TTLL6: variants seen among roughly 807,000 people sequenced by gnomAD.
TTLL6 encodes tubulin polyglutamylase TTLL6.
In TTLL6, 75 loss-of-function variants were observed where a neutral mutation model predicts 96.4. The observed-to-expected ratio is 0.78, with a 90% confidence interval of 0.65 to 0.94. The LOEUF is 0.94. TTLL6 is among the 40% of genes least tolerant of loss of function. The probability of loss-of-function intolerance (pLI) is 0.00; values close to 1 mark genes in which losing one functional copy is unlikely to be tolerated. For synonymous variants in TTLL6, 411 were observed against 419.4 expected (o/e 0.98, Z 0.24); for missense variants, 1,030 against 1,093.0 (o/e 0.94, Z 0.81).
At position 48,810,838 on chromosome 17, in the gene TTLL6, T is replaced by C. The variant is rs1461033287; in HGVS notation, c.104-5847A>G. Among the ~76,000 whole-genome samples, 1,408 of 112,506 alleles carry C rather than the reference T, an allele frequency of 0.013. 41 individuals carry two copies. The East Asian group carries it at 0.13, about 10-fold the overall frequency. 73.8% of individuals were successfully genotyped at this position (112,506 alleles called of 152,430 possible). On this transcript the variant is annotated intron_variant, in intron 1 of 15. Transcript: ENST00000393382. ...TAGTATGTGTGTGTATATATATATATATATATATATATATATAGTATGTGT... is the reference window on the plus strand; with the variant it reads ...TAGTATGTGTGTGTATATATATATACATATATATATATATATAGTATGTGT...
chr17:48,808,398 GCA>G (rs1178078661), intron 1 of TTLL6, among the ~76,000 whole-genome samples: 1 of 151,344 alleles, frequency 6.6e-6, no homozygotes, highest in Non-Finnish European at 1.5e-5. Flanking sequence ...GTGTGTGTGT[GCA>G]CGTGCATAGA....
At chr17:48,795,786 G>A (rs2143405098) in intron 8 of TTLL6, among the ~76,000 whole-genome samples, 1 of 152,294 alleles carries the variant, frequency 6.6e-6, no homozygotes, top group Non-Finnish European at 1.5e-5. Context: ...GTATGTTTTG[G>A]TGTGTGTATA....
intron 11 of TTLL6, 88 bp downstream of exon 11, chr17:48,787,721 ACT>A: frequency 3.8e-6 from 5 of 1,308,158 alleles, no homozygotes; most frequent in Non-Finnish European, 5.3e-6. Context: ...ATGGCTGGGG[ACT>A]CTCCCTGCCA....
Position 48,770,474 on chromosome 17 carries a change from T to C in TTLL6, c.2041-377A>G, listed in dbSNP as rs1041323078. The stretch of plus-strand genomic sequence containing the variant: ...TGAAACAGATTATAAACAATAAAGA[T>C]TGGCAATCAGAACAATAGGTATTAT... On this transcript the variant is annotated intron_variant, in intron 13 of 15. Transcript: ENST00000393382. Among the ~76,000 whole-genome samples the C allele has an allele frequency of 4.1e-5, 6 of 146,062 alleles. No homozygotes were observed. The East Asian group carries it at 7.9e-4, about 19-fold the overall frequency.
chr17:48,790,158 G>C lies in TTLL6; in HGVS notation c.1225-52C>G, dbSNP rs774131589. The C allele has an allele frequency of 1.9e-6, 3 of 1,594,846 alleles. No homozygotes were observed. The East Asian group carries it at 6.7e-5, about 36-fold the overall frequency. ...GACAAAGCCGTCCAGAATGAAAGCA[G>C]AGAGTGAGGCCGAGGTGCCACCTCC... On this transcript the variant is annotated intron_variant, in intron 9 of 15. Transcript: ENST00000393382.
intron 1 of TTLL6, chr17:48,806,034 A>G: frequency 6.6e-6 from 1 of 152,506 alleles, no homozygotes; most frequent in Non-Finnish European, 1.5e-5. Context: ...GCTTGAACCC[A>G]GGAGGCGGAG....
At chr17:48,783,674 A>G (rs2039033199) in intron 13 of TTLL6, among the ~76,000 whole-genome samples, 1 of 151,988 alleles carries the variant, frequency 6.6e-6, no homozygotes, top group South Asian at 2.1e-4. Context: ...CCAGTGATCC[A>G]TCTGCTTCGG....
chr17:48,816,466 A>T (rs2039668661), intron 1 of TTLL6, among the ~76,000 whole-genome samples: 1 of 152,184 alleles, frequency 6.6e-6, no homozygotes, highest in Non-Finnish European at 1.5e-5. Context: ...GCAAAGCCAG[A>T]AGAGTATTTT....
chr17:48,790,228 A>G, intron 9 of TTLL6, 122 bp from the exon 10 acceptor site: 2 of 1,029,240 alleles, frequency 1.9e-6, no homozygotes, highest in Non-Finnish European at 2.8e-6. Context: ...TACCAAGATG[A>G]AAGGGAGGGG....
chr17:48,797,227 A>C (rs932989930), intron 6 of TTLL6, 23 bp from the exon 7 acceptor site: 1 of 1,538,530 alleles, frequency 6.5e-7, no homozygotes, highest in African/African-American at 1.4e-5. Flanking sequence ...AACAGAAGTC[A>C]GACATGCATT....
rs2039419270 is a variant in TTLL6, at chr17:48,801,748, T to A, written c.362-105A>T. ...CCAGACCAAGTACTGAAGCAAAAAA[T>A]CTCGGCTCCTCGAGACTGGAAGCCA... On this transcript the variant is annotated intron_variant, in intron 3 of 15. Transcript: ENST00000393382. 3 of 874,538 alleles carry A rather than the reference T, an allele frequency of 3.4e-6. No homozygotes were observed. The African/African-American group carries it at 5.1e-5, about 15-fold the overall frequency. 54.2% of individuals were successfully genotyped at this position (874,538 alleles called of 1,614,324 possible). A position where few individuals can be genotyped will look rare whatever the true frequency, so the allele number is the denominator to read the frequency against.
intron 13 of TTLL6, 117 bp from the exon 14 acceptor site, chr17:48,770,214 C>T: frequency 7.2e-7 from 1 of 1,393,354 alleles, no homozygotes; most frequent in Admixed American, 2.9e-5. Flanking sequence ...CCAGGCTGGC[C>T]TCAAATTGGG....
At chr17:48,796,210 G>A in intron 7 of TTLL6, 64 bp from the exon 8 acceptor site, 3 of 1,333,150 alleles carry the variant, frequency 2.3e-6, no homozygotes, top group East Asian at 5.1e-5. Flanking sequence ...CTTCCTCTCT[G>A]TGCCCTCCCA....
chr17:48,796,943 T>C, intron 7 of TTLL6, 118 bp downstream of exon 7: 1 of 1,204,084 alleles, frequency 8.3e-7, no homozygotes, highest in South Asian at 1.8e-5. Context: ...ACCCGGCACA[T>C]AGCAAGTGCT....
intron 9 of TTLL6, among the ~76,000 whole-genome samples, chr17:48,790,833 G>A (rs925615505): frequency 6.6e-6 from 1 of 152,164 alleles, no homozygotes; most frequent in African/African-American, 2.4e-5. Flanking sequence ...GGCTCCTGAG[G>A]ACAATTCTAT....
chr17:48,797,787 CAAAAAAAA>C (rs58265844), intron 6 of TTLL6, among the ~76,000 whole-genome samples: 2 of 58,620 alleles, frequency 3.4e-5, no homozygotes, highest in African/African-American at 1.3e-4. Flanking sequence ...AACTCCATCT[CAAAAAAAA>C]AAAAAAAAAA....
intron 8 of TTLL6, among the ~76,000 whole-genome samples, chr17:48,793,103 T>G (rs545629727): frequency 1.2e-3 from 179 of 152,334 alleles, no homozygotes; most frequent in African/African-American, 4.3e-3. Context: ...TCCTTCACTG[T>G]GACCGCAGCA....
intron 13 of TTLL6, among the ~76,000 whole-genome samples, chr17:48,779,930 T>C (rs977738636): frequency 4.2e-4 from 64 of 151,956 alleles, no homozygotes; most frequent in Admixed American, 6.6e-4. Context: ...GGGAGGAAGA[T>C]TGCCTGGGAA....
rs779692660 is a variant in TTLL6 at position 48,769,990 on chromosome 17, T to C, written c.2148A>G (p.Pro716=). Residue 716 remains proline, a synonymous_variant, in exon 14 of 16, where the codon CCA becomes CCG. Coordinates refer to ENST00000393382, the MANE Select transcript of TTLL6 (RefSeq NM_001130918.3). ...TAAAGGATACCACCCTGTCCGTCTC[T>C]GGGCCACTGTACTCAGAGCTGGCGG... The part of the protein sequence containing the change: ...AVTASSEYSG[P]ETDRVVSFKC... 1.1e-5 allele frequency: 18 copies of C among 1,614,152 alleles called. No individual in the cohort carries two copies. The highest frequency in any genetic ancestry group is 1.4e-5 in the Non-Finnish European group (16 of 1,180,038).
Sources: gnomAD v4.1 joint callset for allele counts (sites outside exome capture counted in the v4.1 genomes callset) on GRCh38, gnomAD v4.1.1 for gene constraint, MANE v1.5 for transcripts, NCBI Gene and HGNC (gene_info 2026-07-23, HGNC 2026-07-21) for gene names.